DHX9: variants seen among roughly 807,000 people sequenced by gnomAD.
DHX9 encodes the protein ATP-dependent RNA helicase A.
A neutral mutation model predicts 148.7 loss-of-function variants in DHX9; 27 were observed. The observed-to-expected ratio is 0.18, with a 90% CI of 0.13 to 0.25. DHX9 has a LOEUF of 0.25. Among genes scored for constraint, DHX9 ranks in the 10% least tolerant of loss-of-function variants. The pLI, the probability that DHX9 is intolerant of heterozygous loss-of-function variation, is 1.00. For synonymous variants in DHX9, 529 were observed against 516.6 expected, an observed-to-expected ratio of 1.02 and a Z score of -0.33; for missense variants, 796 against 1,559.6, an observed-to-expected ratio of 0.51 and a Z score of 8.25.
intron 12 of DHX9, among the ~76,000 whole-genome samples, chr1:182,866,208 A>G (rs1345044428): frequency 6.6e-6 from 1 of 152,226 alleles, no homozygotes; most frequent in Non-Finnish European, 1.5e-5. Flanking sequence ...ATCACTTTGC[A>G]TACTATTTTA....
rs59218081 is a variant in DHX9, at chr1:182,868,520, C to CTTTTTTTTTTTTTTTTTTT, written c.1557+1491_1557+1492insTTTTTTTTTTTTTTTTTTT. Among the ~76,000 whole-genome samples the CTTTTTTTTTTTTTTTTTTT allele has an allele frequency of 7.6e-4, 97 of 127,480 alleles. 2 individuals carry two copies. Among genetic ancestry groups the CTTTTTTTTTTTTTTTTTTT allele is most frequent in the Middle Eastern group, 4.1e-3 (1 of 244 alleles). 83.6% of individuals were successfully genotyped at this position (127,480 alleles called of 152,430 possible). A position where few individuals can be genotyped will look rare whatever the true frequency, so the allele number is the denominator to read the frequency against. ...GATAATCTAACACTTATTTTAATTC[C>CTTTTTTTTTTTTTTTTTTT]TTTTTTTTTTTTTTGAGGAGTCTTG... On this transcript the variant is annotated intron_variant, in intron 14 of 27. Transcript: ENST00000367549.
chr1:182,868,214 A>C (rs1291313020), intron 14 of DHX9, among the ~76,000 whole-genome samples: 2 of 152,214 alleles, frequency 1.3e-5, no homozygotes, highest in African/African-American at 4.8e-5. Flanking sequence ...TGATTCATCC[A>C]TCAGTATGGA....
chr1:182,843,282 T>C lies in DHX9; in HGVS notation c.112-12T>C. ...CAGGTCAGTCTCTTAGTACTTTTTT[T>C]TTTTTTTAAAGGTTCAGGTGGAAGG... On this transcript the variant is annotated splice_polypyrimidine_tract_variant and intron_variant, in intron 2 of 27. Coordinates refer to ENST00000367549, the MANE Select transcript of DHX9 (RefSeq NM_001357.5). 3 of 1,554,240 alleles carry C rather than the reference T, an allele frequency of 1.9e-6. No homozygotes were observed. Among genetic ancestry groups the C allele is most frequent in the Non-Finnish European group, 2.6e-6 (3 of 1,159,792 alleles).
chr1:182,872,259 G>A, intron 14 of DHX9, 78 bp from the exon 15 acceptor site: 2 of 1,195,072 alleles, frequency 1.7e-6, no homozygotes, highest in Non-Finnish European at 2.4e-6. Context: ...ATGTCTTATG[G>A]CTGTATAACT....
intron 7 of DHX9, among the ~76,000 whole-genome samples, chr1:182,857,258 G>A (rs1308921575): frequency 1.3e-5 from 2 of 152,164 alleles, no homozygotes; most frequent in Non-Finnish European, 2.9e-5. Context: ...TTACCTTATC[G>A]AGGTTAATTT....
In DHX9 at chr1:182,882,863, CAA is replaced by C. The variant is rs796875709; in HGVS notation, c.2915-260_2915-259del. Among the ~76,000 whole-genome samples, 236 of 83,788 alleles carry C rather than the reference CAA, an allele frequency of 2.8e-3. 1 individual carries two copies. The highest frequency in any genetic ancestry group is 6.4e-3 in the African/African-American group (174 of 27,382). 55.0% of individuals were successfully genotyped at this position (83,788 alleles called of 152,430 possible). ...CTGGGCGACAGAGCGAGACTCGTCTCAAAAAAAAAAAAAAAAAGTAATCACCC... is the reference window on the plus strand; with the variant it reads ...CTGGGCGACAGAGCGAGACTCGTCTCAAAAAAAAAAAAAAAGTAATCACCC... On this transcript the variant is annotated intron_variant, in intron 24 of 27. Transcript: ENST00000367549.
intron 8 of DHX9, 142 bp downstream of exon 8, chr1:182,858,382 C>A: frequency 1.8e-6 from 2 of 1,112,380 alleles, no homozygotes; most frequent in Non-Finnish European, 2.6e-6. Flanking sequence ...CTGTGTCTGG[C>A]ATGATGTTCA....
chr1:182,839,651 T>A (rs556862394), intron 1 of DHX9, 195 bp downstream of exon 1: 6 of 152,136 alleles, frequency 3.9e-5, no homozygotes, highest in South Asian at 2.1e-4. Context: ...GCTTGCGCCG[T>A]CCGGGCAGCC....
In DHX9 at chr1:182,876,975, C is replaced by A. The variant is rs1392819862; in HGVS notation, c.2198+72C>A. ...GAAACTTCTTACCAGTTAACAGAAT[C>A]AAAAACACCTTATTTTTAAACTCCT... On this transcript the variant is annotated intron_variant, in intron 19 of 27. Transcript: ENST00000367549. 5.8e-6 allele frequency: 6 copies of A among 1,038,246 alleles called. No individual in the cohort carries two copies. The Admixed American group carries it at 1.1e-4, about 19-fold the overall frequency. 64.3% of individuals were successfully genotyped at this position (1,038,246 alleles called of 1,614,324 possible). A position where few individuals can be genotyped will look rare whatever the true frequency, so the allele number is the denominator to read the frequency against.
At chr1:182,842,743 G>A (rs531381964) in intron 2 of DHX9, 66 bp downstream of exon 2, 1 of 1,323,380 alleles carries the variant, frequency 7.6e-7, no homozygotes. Flanking sequence ...AAAGAAAAAT[G>A]TTTTCTGTTT....
intron 1 of DHX9, chr1:182,839,693 T>A (rs1244584846): frequency 1.3e-5 from 2 of 152,260 alleles, no homozygotes; most frequent in African/African-American, 4.8e-5. Context: ...CCGCCCAGCG[T>A]TTCCCGCTGC....
chr1:182,884,623 CA>C lies in DHX9; in HGVS notation c.3274del (p.Ile1092TyrfsTer23). 1 of 1,614,060 alleles carries C rather than the reference CA, an allele frequency of 6.2e-7. No homozygotes were observed. The highest frequency in any genetic ancestry group is 8.5e-7 in the Non-Finnish European group (1 of 1,179,992). Reference protein sequence around the residue: ...IVLVDDWIKLQISHEAAACIT... With the variant: ...IVLVDDWIKLXISHEAAACIT... ...ATTTCGCCACTTTAGGATTAAACTGCAAATATCTCATGAAGCTGCTGCCTGT... is the reference window on the plus strand; with the variant it reads ...ATTTCGCCACTTTAGGATTAAACTGCAATATCTCATGAAGCTGCTGCCTGT... On this transcript the variant is annotated frameshift_variant, in exon 27 of 28. Coordinates refer to ENST00000367549, the MANE Select transcript of DHX9 (RefSeq NM_001357.5). LOFTEE classifies it high-confidence loss of function.
intron 26 of DHX9, 102 bp from the exon 27 acceptor site, chr1:182,884,511 A>C (rs1003595502): frequency 7.7e-6 from 8 of 1,036,352 alleles, no homozygotes; most frequent in Admixed American, 2.5e-5. Context: ...ATGCTTAAGA[A>C]GTTAAATTTA....
intron 3 of DHX9, among the ~76,000 whole-genome samples, chr1:182,850,929 C>G (rs1248282926): frequency 2.6e-5 from 4 of 152,094 alleles, no homozygotes; most frequent in Non-Finnish European, 5.9e-5. Context: ...CATCAGACAC[C>G]TCAATTCTCA....
intron 6 of DHX9, among the ~76,000 whole-genome samples, chr1:182,855,253 G>C (rs1668233454): frequency 6.6e-6 from 1 of 152,168 alleles, no homozygotes; most frequent in South Asian, 2.1e-4. Context: ...CATTGGGCTT[G>C]GTAGCACTTG....
intron 21 of DHX9, 70 bp downstream of exon 21, chr1:182,879,480 A>T: frequency 7.6e-7 from 1 of 1,313,402 alleles, no homozygotes; most frequent in Non-Finnish European, 9.9e-7. Flanking sequence ...GGCAGATAAC[A>T]CTTACAAATG....
chr1:182,847,126 T>C (rs1345402655), intron 3 of DHX9, among the ~76,000 whole-genome samples: 3 of 152,176 alleles, frequency 2.0e-5, no homozygotes, highest in Admixed American at 2.0e-4. Flanking sequence ...AATATAAATA[T>C]GGATTTCTTT....
At chr1:182,865,349 C>A (rs939381109) in intron 12 of DHX9, among the ~76,000 whole-genome samples, 7 of 152,150 alleles carry the variant, frequency 4.6e-5, no homozygotes, top group African/African-American at 1.7e-4. Context: ...CTAATTAAAT[C>A]TCTGGATGAA....
At chr1:182,863,793 ATT>A (rs61680747) in intron 12 of DHX9, among the ~76,000 whole-genome samples, 1 of 148,360 alleles carries the variant, frequency 6.7e-6, no homozygotes, top group Non-Finnish European at 1.5e-5. Flanking sequence ...GAATTAGAAG[ATT>A]TTTTTTTTTT....
Sources: allele counts gnomAD v4.1 joint callset (sites outside exome capture counted in the v4.1 genomes callset), GRCh38; gene constraint gnomAD v4.1.1; transcripts MANE v1.5; gene names NCBI Gene and HGNC (gene_info 2026-07-23, HGNC 2026-07-21).